Variants in MRTFA observed in about 807,000 individuals in gnomAD.
The protein encoded by MRTFA is myocardin related transcription factor A.
Under a neutral mutation model 83.5 loss-of-function variants are expected in MRTFA, and 20 were observed. That is an observed-to-expected ratio of 0.24 (90% CI 0.17 to 0.35). The LOEUF (loss-of-function observed/expected upper bound fraction) is 0.35. Among genes scored for constraint, MRTFA ranks in the 10% least tolerant of loss-of-function variants. The probability of loss-of-function intolerance (pLI) is 1.00; values close to 1 mark genes in which losing one functional copy is unlikely to be tolerated. For synonymous variants in MRTFA, 659 were observed against 541.2 expected, an observed-to-expected ratio of 1.22 and a Z score of -3.02; for missense variants, 1,200 against 1,224.7, an observed-to-expected ratio of 0.98 and a Z score of 0.30.
chr22:40,588,719 C>T (rs983247523), intron 2 of MRTFA, among the ~76,000 whole-genome samples: 5 of 152,206 alleles, frequency 3.3e-5, no homozygotes, highest in African/African-American at 7.2e-5. Flanking sequence ...TATTGGCTCA[C>T]ACCTATAATC....
rs867682432 is a variant in MRTFA, at chr22:40,459,860, T to C, written c.307+3361A>G. Among the ~76,000 whole-genome samples, 111 of 130,508 alleles carry C rather than the reference T, an allele frequency of 8.5e-4. 1 individual carries two copies. Among genetic ancestry groups the C allele is most frequent in the African/African-American group, 3.1e-3 (104 of 33,342 alleles). The allele number at this position is 130,508 out of a possible 152,430, so 85.6% of individuals were successfully genotyped here. Reference sequence around the variant, plus strand: ...ATATATATATATATATATATATATATATACACACATGAATGATACTTTCTC... The same window carrying C: ...ATATATATATATATATATATATATACATACACACATGAATGATACTTTCTC... On this transcript the variant is annotated intron_variant, in intron 4 of 14. Coordinates refer to ENST00000355630, the MANE Select transcript of MRTFA (RefSeq NM_020831.6).
intron 2 of MRTFA, among the ~76,000 whole-genome samples, chr22:40,566,457 T>C (rs980005677): frequency 6.6e-6 from 1 of 152,008 alleles, no homozygotes; most frequent in African/African-American, 2.4e-5. Flanking sequence ...CCTGACCTCG[T>C]GATCCACCCG....
rs1419369981 is a variant in MRTFA, at chr22:40,446,412, T to C, written c.308-10858A>G. ...GCTATTAACACTCCTGGACAGGTGA[T>C]CCAGGGCGAGTAAACTTAGGGAAGT... On this transcript the variant is annotated intron_variant, in intron 4 of 14. Transcript: ENST00000355630. 2.6e-5 allele frequency among the ~76,000 whole-genome samples: 4 copies of C among 152,166 alleles called. No individual in the cohort carries two copies. The East Asian group carries it at 7.7e-4, about 29-fold the overall frequency.
chr22:40,544,761 G>A (rs1480622046), intron 3 of MRTFA, among the ~76,000 whole-genome samples: 1 of 151,946 alleles, frequency 6.6e-6, no homozygotes, highest in East Asian at 1.9e-4. Context: ...TACATAGCAA[G>A]ACTCTGTCTA....
chr22:40,599,371 G>A lies in MRTFA; in HGVS notation c.-83-4636C>T, dbSNP rs565010098. On this transcript the variant is annotated intron_variant, in intron 1 of 14. Transcript: ENST00000355630. Reference sequence around the variant, plus strand: ...TCAATACTTTTGGCTCAATACATACGCACATAGACTCTCCAGTGGAAATTT... The same window carrying A: ...TCAATACTTTTGGCTCAATACATACACACATAGACTCTCCAGTGGAAATTT... Among the ~76,000 whole-genome samples the A allele has an allele frequency of 5.2e-4, 79 of 152,188 alleles. 1 individual carries two copies. The highest frequency in any genetic ancestry group is 4.1e-3 in the Admixed American group (63 of 15,280).
chr22:40,482,951 G>A (rs1194745083), intron 3 of MRTFA, among the ~76,000 whole-genome samples: 2 of 152,022 alleles, frequency 1.3e-5, no homozygotes, highest in East Asian at 3.9e-4. Context: ...GGCAACACAG[G>A]GAGACAACAT....
In MRTFA at chr22:40,552,148, C is replaced by A. The variant is rs2055452156; in HGVS notation, c.199G>T (p.Gly67Cys). 2.5e-6 allele frequency: 1 copy of A among 398,986 alleles called. No individual in the cohort carries two copies. Among genetic ancestry groups the A allele is most frequent in the African/African-American group, 2.1e-5 (1 of 48,738 alleles). 24.7% of individuals were successfully genotyped at this position (398,986 alleles called of 1,614,324 possible). Residue 67 changes from glycine to cysteine, a missense_variant, in exon 3 of 15, where the codon GGC becomes TGC. By Grantham distance (159) the Gly-to-Cys change is radical (BLOSUM62 -3). This residue lies in a region of MRTFA where 93 missense variants were observed against 182.9 expected (regional missense o/e 0.51). Transcript: ENST00000355630. ...AGTGGAGGCAAATTGGGATTCCTGCCAGGGTGGAGGCCTAGGGTCAGCTCG... is the reference window on the plus strand; with the variant it reads ...AGTGGAGGCAAATTGGGATTCCTGCAAGGGTGGAGGCCTAGGGTCAGCTCG...
At chr22:40,502,118 C>T (rs2054495389) in intron 3 of MRTFA, among the ~76,000 whole-genome samples, 5 of 142,424 alleles carry the variant, frequency 3.5e-5, no homozygotes, top group Admixed American at 3.4e-4. Context: ...GGCAGAGGCG[C>T]CCCTCACCTC....
intron 4 of MRTFA, among the ~76,000 whole-genome samples, chr22:40,444,189 A>G (rs2053333697): frequency 6.6e-6 from 1 of 152,222 alleles, no homozygotes; most frequent in Admixed American, 6.5e-5. Flanking sequence ...ATTACAGCAG[A>G]ATAAAGGAGA....
chr22:40,568,297 A>G (rs1048867364), intron 2 of MRTFA, among the ~76,000 whole-genome samples: 1 of 152,262 alleles, frequency 6.6e-6, no homozygotes, highest in Non-Finnish European at 1.5e-5. Flanking sequence ...CTCTGGTAAG[A>G]TCAGTTACCA....
chr22:40,478,603 C>T (rs1432227759), intron 3 of MRTFA, among the ~76,000 whole-genome samples: 2 of 152,156 alleles, frequency 1.3e-5, no homozygotes, highest in Admixed American at 6.5e-5. Context: ...ACTCCTCGTA[C>T]GTGTCCATGT....
intron 3 of MRTFA, among the ~76,000 whole-genome samples, chr22:40,497,043 G>C (rs1293089461): frequency 6.6e-6 from 1 of 152,214 alleles, no homozygotes; most frequent in Non-Finnish European, 1.5e-5. Flanking sequence ...ACCAGGTGTT[G>C]TGGACACAGA....
chr22:40,615,686 C>CTTTTTTTTTTTTTTT (rs59431175), intron 1 of MRTFA, among the ~76,000 whole-genome samples: 3 of 142,328 alleles, frequency 2.1e-5, no homozygotes, highest in East Asian at 2.0e-4. Flanking sequence ...ATTTTCTTTT[C>CTTTTTTTTTTTTTTT]TTTTTTTTTT....
intron 3 of MRTFA, among the ~76,000 whole-genome samples, chr22:40,472,351 A>G (rs372676603): frequency 6.6e-6 from 1 of 152,210 alleles, no homozygotes; most frequent in Non-Finnish European, 1.5e-5. Flanking sequence ...CGTGATGCCA[A>G]TGATAGATCA....
intron 3 of MRTFA, among the ~76,000 whole-genome samples, chr22:40,536,344 C>T (rs1260848386): frequency 1.3e-5 from 2 of 150,864 alleles, no homozygotes; most frequent in African/African-American, 4.9e-5. Flanking sequence ...CGCCCGACCG[C>T]CGGGAGGATG....
chr22:40,578,957 AAGC>A (rs768224053), intron 2 of MRTFA, among the ~76,000 whole-genome samples: 1 of 151,970 alleles, frequency 6.6e-6, no homozygotes, highest in Non-Finnish European at 1.5e-5. Flanking sequence ...AATAAATAAA[AAGC>A]AGCCAAGTGT....
At chr22:40,617,215 A>G (rs945077212) in intron 1 of MRTFA, among the ~76,000 whole-genome samples, 1 of 12,248 alleles carries the variant, frequency 8.2e-5, no homozygotes. Context: ...GGAGGGAGGG[A>G]GGGAGGGCGG....
intron 3 of MRTFA, among the ~76,000 whole-genome samples, chr22:40,466,830 T>C (rs886810302): frequency 1.1e-4 from 16 of 152,252 alleles, no homozygotes; most frequent in Middle Eastern, 6.8e-3. Context: ...ACTTCTTGCT[T>C]CATGAACGCA....
chr22:40,599,279 C>T (rs766204000), intron 1 of MRTFA, among the ~76,000 whole-genome samples: 4 of 152,062 alleles, frequency 2.6e-5, no homozygotes, highest in Non-Finnish European at 4.4e-5. Context: ...GCCTGGGCAA[C>T]AAGAACGAAA....
Sources: allele counts gnomAD v4.1 joint callset (sites outside exome capture counted in the v4.1 genomes callset), GRCh38; gene constraint gnomAD v4.1.1; regional missense constraint gnomAD v4.1.1; transcripts MANE v1.5; gene names NCBI Gene and HGNC (gene_info 2026-07-23, HGNC 2026-07-21).